ZNF804B: variants seen among roughly 807,000 people sequenced by gnomAD.
ZNF804B encodes the protein zinc finger 804B.
Under a neutral mutation model 101.4 loss-of-function variants are expected in ZNF804B, and 80 were observed. The ratio of observed to expected loss-of-function variants is 0.79; its 90% confidence interval spans 0.66 to 0.95. ZNF804B has a LOEUF of 0.95. Ranked by LOEUF, ZNF804B falls within the 40% of genes least tolerant of loss-of-function variation. ZNF804B has a pLI of 0.00. For missense variants in ZNF804B, 1,673 were observed against 1,561.9 expected, an observed-to-expected ratio of 1.07 and a Z score of -1.20; for synonymous variants, 622 against 558.8, an observed-to-expected ratio of 1.11 and a Z score of -1.59.
intron 2 of ZNF804B, among the ~76,000 whole-genome samples, chr7:89,278,841 T>G (rs927024315): frequency 6.6e-6 from 1 of 151,940 alleles, no homozygotes; most frequent in Non-Finnish European, 1.5e-5. Flanking sequence ...CAGGCTCTTT[T>G]TTGGTTCCAT....
intron 1 of ZNF804B, among the ~76,000 whole-genome samples, chr7:89,154,197 G>A (rs1790920252): frequency 6.6e-6 from 1 of 152,070 alleles, no homozygotes; most frequent in Admixed American, 6.6e-5. Context: ...CATCTCACCA[G>A]TTAAAATGGC....
intron 1 of ZNF804B, among the ~76,000 whole-genome samples, chr7:89,059,017 A>G (rs538035462): frequency 6.6e-6 from 1 of 152,268 alleles, no homozygotes; most frequent in Admixed American, 6.5e-5. Flanking sequence ...TTCAGGCTAA[A>G]TAATTCTCTT....
intron 1 of ZNF804B, among the ~76,000 whole-genome samples, chr7:88,913,764 T>A (rs1464737353): frequency 6.6e-6 from 1 of 152,220 alleles, no homozygotes; most frequent in Non-Finnish European, 1.5e-5. Flanking sequence ...ATGACACAAG[T>A]GTATATGCGG....
chr7:89,149,661 G>C (rs1301553698), intron 1 of ZNF804B, among the ~76,000 whole-genome samples: 2 of 151,742 alleles, frequency 1.3e-5, no homozygotes, highest in Non-Finnish European at 2.9e-5. Flanking sequence ...TAGTGAAAAA[G>C]AATTCTTAAT....
In ZNF804B at chr7:89,152,593, A is replaced by G. The variant is rs115446208; in HGVS notation, c.109-65562A>G. On this transcript the variant is annotated intron_variant, in intron 1 of 3. Transcript: ENST00000333190. ...GATCTTTATGTTTCAGTTTTAGGTG[A>G]TTCAAAATTTTATTTAGTCATTTCT... is the stretch of plus-strand genomic sequence containing the variant. Among the ~76,000 whole-genome samples the G allele has an allele frequency of 9.7e-3, 1,476 of 152,168 alleles. 24 individuals are homozygous for G. Among genetic ancestry groups the G allele is most frequent in the African/African-American group, 0.034 (1,392 of 41,524 alleles).
At position 89,267,616 on chromosome 7, in the gene ZNF804B, A is replaced by G. The variant is rs79638501; in HGVS notation, c.249+49321A>G. 9.5e-3 allele frequency among the ~76,000 whole-genome samples: 1,447 copies of G among 152,252 alleles called. 28 individuals are homozygous for G. Among genetic ancestry groups the G allele is most frequent in the African/African-American group, 0.032 (1,348 of 41,560 alleles). ...TATCCTACAAGCCAGGCATTGCAGA[A>G]GACAGGACTTCTGGTTGTCCACAGT... On this transcript the variant is annotated intron_variant, in intron 2 of 3. Transcript: ENST00000333190.
chr7:89,041,243 A>T (rs1224294137), intron 1 of ZNF804B, among the ~76,000 whole-genome samples: 1 of 152,092 alleles, frequency 6.6e-6, no homozygotes, highest in African/African-American at 2.4e-5. Flanking sequence ...TCTGTTCCTG[A>T]GTCTGTGGGA....
At chr7:89,037,566 G>GATATATATATATAT (rs59604792) in intron 1 of ZNF804B, among the ~76,000 whole-genome samples, 3 of 145,748 alleles carry the variant, frequency 2.1e-5, no homozygotes, top group African/African-American at 7.5e-5. Context: ...GTAATGCATG[G>GATATATATATATAT]ATATATATAT....
At chr7:89,194,747 G>A (rs1319708504) in intron 1 of ZNF804B, among the ~76,000 whole-genome samples, 3 of 151,264 alleles carry the variant, frequency 2.0e-5, no homozygotes, top group South Asian at 2.1e-4. Flanking sequence ...CAGGTAGTGT[G>A]ATGCCTCCAG....
At chr7:88,921,279 A>G (rs1283554650) in intron 1 of ZNF804B, among the ~76,000 whole-genome samples, 1 of 151,996 alleles carries the variant, frequency 6.6e-6, no homozygotes, top group African/African-American at 2.4e-5. Flanking sequence ...GTGAAGTATC[A>G]AGTTTTACTA....
At chr7:88,981,525 T>C (rs142316686) in intron 1 of ZNF804B, among the ~76,000 whole-genome samples, 21 of 152,156 alleles carry the variant, frequency 1.4e-4, no homozygotes, top group African/African-American at 4.3e-4. Context: ...GGGTTGCATG[T>C]ACTCCAAGTC....
At chr7:88,767,857 C>T (rs1790007918) in intron 1 of ZNF804B, among the ~76,000 whole-genome samples, 1 of 152,236 alleles carries the variant, frequency 6.6e-6, no homozygotes, top group Admixed American at 6.5e-5. Flanking sequence ...GCTGTTCCCT[C>T]TACCCCAAAA....
chr7:89,026,996 G>C (rs187860898), intron 1 of ZNF804B, among the ~76,000 whole-genome samples: 17 of 151,948 alleles, frequency 1.1e-4, no homozygotes, highest in African/African-American at 3.6e-4. Flanking sequence ...GTTGGCCTTA[G>C]AATAAAATTC....
chr7:88,796,232 T>A (rs1166441384), intron 1 of ZNF804B, among the ~76,000 whole-genome samples: 1 of 152,124 alleles, frequency 6.6e-6, no homozygotes, highest in Non-Finnish European at 1.5e-5. Context: ...TTATTCAATT[T>A]TTAACAATGA....
chr7:89,047,662 C>T (rs1443662133), intron 1 of ZNF804B, among the ~76,000 whole-genome samples: 3 of 152,166 alleles, frequency 2.0e-5, no homozygotes, highest in Non-Finnish European at 4.4e-5. Context: ...GAAACATGCA[C>T]ATGTGCAATT....
intron 1 of ZNF804B, among the ~76,000 whole-genome samples, chr7:88,894,162 C>T (rs1181975490): frequency 6.6e-6 from 1 of 151,610 alleles, no homozygotes; most frequent in Non-Finnish European, 1.5e-5. Context: ...TTAAACATTA[C>T]AGTGAATTTC....
intron 1 of ZNF804B, among the ~76,000 whole-genome samples, chr7:89,005,477 C>T (rs1043649236): frequency 5.9e-5 from 9 of 151,940 alleles, no homozygotes; most frequent in African/African-American, 2.2e-4. Flanking sequence ...GTTATAGCTG[C>T]TAATTTTGAT....
chr7:89,334,774 A>G lies in ZNF804B; in HGVS notation c.1792A>G (p.Ser598Gly). The G allele has an allele frequency of 1.2e-6, 2 of 1,613,872 alleles. No individual in the cohort carries two copies. Among genetic ancestry groups the G allele is most frequent in the Non-Finnish European group, 1.7e-6 (2 of 1,179,878 alleles). Residue 598 changes from serine to glycine, a missense_variant, in exon 4 of 4, where the codon AGT (serine) becomes GGT (glycine). Transcript: ENST00000333190. ...LKDCAGKNNSSENKLKEASRA... is the reference protein window; with the variant it reads ...LKDCAGKNNSGENKLKEASRA... ...GGATTGTGCTGGAAAGAATAATAGT[A>G]GTGAGAACAAACTTAAGGAAGCTTC...
intron 1 of ZNF804B, among the ~76,000 whole-genome samples, chr7:89,146,272 A>G (rs541781586): frequency 6.6e-6 from 1 of 152,204 alleles, no homozygotes; most frequent in South Asian, 2.1e-4. Flanking sequence ...GTAGTAATGT[A>G]CCCATAAAAC....
Sources: allele counts gnomAD v4.1 joint callset (sites outside exome capture counted in the v4.1 genomes callset), GRCh38; gene constraint gnomAD v4.1.1; transcripts MANE v1.5; gene names NCBI Gene and HGNC (gene_info 2026-07-23, HGNC 2026-07-21).